The following CSGALNACT1 variants were observed in gnomAD, a reference collection of about 807,000 sequenced individuals.
The protein encoded by CSGALNACT1 is beta4GalNAcT-1.
A neutral mutation model predicts 51.0 loss-of-function variants in CSGALNACT1; 52 were observed. The observed-to-expected ratio is 1.02, with a 90% confidence interval of 0.82 to 1.29. CSGALNACT1 has a LOEUF of 1.29. CSGALNACT1 is among the 50% of genes most tolerant of loss of function. The pLI is 0.00. For synonymous variants in CSGALNACT1, 341 were observed against 254.4 expected (o/e 1.34, Z -3.24); for missense variants, 935 against 679.2 (o/e 1.38, Z -4.19).
At chr8:19,643,232 T>G (rs2056921052) in intron 1 of CSGALNACT1, among the ~76,000 whole-genome samples, 1 of 152,130 alleles carries the variant, frequency 6.6e-6, no homozygotes, top group Admixed American at 6.5e-5. Context: ...AAGTCAATAA[T>G]AACCAACTAG....
intron 1 of CSGALNACT1, among the ~76,000 whole-genome samples, chr8:19,742,784 T>C (rs2064394701): frequency 6.6e-6 from 1 of 152,240 alleles, no homozygotes. Flanking sequence ...GTGAAGGGTC[T>C]GGAAACTGGG....
chr8:19,541,803 A>AATTCTTC (rs1213110269), intron 3 of CSGALNACT1, among the ~76,000 whole-genome samples: 7 of 151,920 alleles, frequency 4.6e-5, no homozygotes, highest in Non-Finnish European at 7.4e-5. Context: ...TAAAACATGT[A>AATTCTTC]ATTCTTCAAT....
chr8:19,660,056 G>A (rs192662403), intron 1 of CSGALNACT1, among the ~76,000 whole-genome samples: 32 of 152,326 alleles, frequency 2.1e-4, no homozygotes, highest in Admixed American at 1.2e-3. Context: ...ACTGACGCAC[G>A]GGGAAGTTAA....
At chr8:19,468,200 T>C (rs1185374540) in intron 4 of CSGALNACT1, among the ~76,000 whole-genome samples, 1 of 152,074 alleles carries the variant, frequency 6.6e-6, no homozygotes, top group Non-Finnish European at 1.5e-5. Flanking sequence ...AACTGAAGAC[T>C]GAGCATGTGT....
At chr8:19,694,838 G>T (rs942644354) in intron 1 of CSGALNACT1, among the ~76,000 whole-genome samples, 1 of 152,188 alleles carries the variant, frequency 6.6e-6, no homozygotes, top group African/African-American at 2.4e-5. Flanking sequence ...AATACTGCAG[G>T]TTATTTTCTA....
At chr8:19,562,726 T>C (rs1366376379) in intron 3 of CSGALNACT1, among the ~76,000 whole-genome samples, 1 of 152,080 alleles carries the variant, frequency 6.6e-6, no homozygotes, top group African/African-American at 2.4e-5. Flanking sequence ...AAAACCACAA[T>C]GAGATACCAC....
intron 1 of CSGALNACT1, among the ~76,000 whole-genome samples, chr8:19,653,646 T>A (rs545294514): frequency 3.3e-5 from 5 of 152,120 alleles, no homozygotes; most frequent in Admixed American, 6.5e-5. Flanking sequence ...GTTAAAAAAA[T>A]TTGTGGGTGT....
chr8:19,662,218 C>T (rs1420856154), intron 1 of CSGALNACT1, among the ~76,000 whole-genome samples: 2 of 151,666 alleles, frequency 1.3e-5, no homozygotes, highest in Admixed American at 6.6e-5. Context: ...ACCCCATCTC[C>T]ACTACAAATA....
Position 19,607,761 on chromosome 8 carries a change from G to A in CSGALNACT1, c.-543-5896C>T, listed in dbSNP as rs137929988. Among the ~76,000 whole-genome samples the A allele has an allele frequency of 3.7e-4, 56 of 152,316 alleles. No individual in the cohort carries two copies. The East Asian group carries it at 9.6e-3, about 26-fold the overall frequency. On this transcript the variant is annotated intron_variant, in intron 1 of 9. Coordinates refer to the CSGALNACT1 transcript ENST00000332246. ...TCTTAGGCAAGTTCTTAACTCCTGT[G>A]AGTCTCCACTTCCCAATCTGTAAAA...
At chr8:19,649,614 G>C (rs2057594461) in intron 1 of CSGALNACT1, among the ~76,000 whole-genome samples, 1 of 151,688 alleles carries the variant, frequency 6.6e-6, no homozygotes, top group Non-Finnish European at 1.5e-5. Context: ...AGAATTCACA[G>C]TTACGAATAC....
chr8:19,669,720 T>C (rs1477849951), intron 1 of CSGALNACT1, among the ~76,000 whole-genome samples: 1 of 152,152 alleles, frequency 6.6e-6, no homozygotes, highest in Admixed American at 6.6e-5. Flanking sequence ...AATAATTCAC[T>C]GGCCTTGGCC....
chr8:19,686,915 C>A (rs17481249), upstream of CSGALNACT1, among the ~76,000 whole-genome samples: 33,828 of 152,014 alleles, frequency 0.22, 4,000 homozygotes, highest in Admixed American at 0.32. Flanking sequence ...GACTCCATGG[C>A]CAACAGTTTA....
At chr8:19,444,721 A>G (rs1407704277) in intron 5 of CSGALNACT1, among the ~76,000 whole-genome samples, 2 of 152,226 alleles carry the variant, frequency 1.3e-5, no homozygotes. Context: ...ATCCACAGCA[A>G]TAGAAGACAC....
intron 1 of CSGALNACT1, among the ~76,000 whole-genome samples, chr8:19,607,550 C>A (rs2051566184): frequency 6.6e-6 from 1 of 152,188 alleles, no homozygotes; most frequent in Admixed American, 6.5e-5. Context: ...TTTTATTAGA[C>A]ACCCTTTTCC....
At chr8:19,592,918 A>G (rs1057306454) in intron 2 of CSGALNACT1, among the ~76,000 whole-genome samples, 3 of 152,186 alleles carry the variant, frequency 2.0e-5, no homozygotes, top group Admixed American at 6.5e-5. Flanking sequence ...TTCAAATTAC[A>G]ATTTTTCTAC....
At chr8:19,567,775 GAATT>G (rs1250545787) in intron 3 of CSGALNACT1, among the ~76,000 whole-genome samples, 1 of 151,990 alleles carries the variant, frequency 6.6e-6, no homozygotes, top group African/African-American at 2.4e-5. Flanking sequence ...TAAAATATCA[GAATT>G]AATAAGAGTT....
intron 1 of CSGALNACT1, among the ~76,000 whole-genome samples, chr8:19,607,949 G>A (rs535618477): frequency 6.6e-6 from 1 of 152,138 alleles, no homozygotes; most frequent in Non-Finnish European, 1.5e-5. Context: ...CTGAGACTTA[G>A]ATGTTAAGAC....
At chr8:19,447,492 T>C (rs1563444110) in intron 5 of CSGALNACT1, among the ~76,000 whole-genome samples, 1 of 152,132 alleles carries the variant, frequency 6.6e-6, no homozygotes, top group Non-Finnish European at 1.5e-5. Flanking sequence ...TGATAACTCA[T>C]CCTAAAGAAG....
chr8:19,445,094 C>A lies in CSGALNACT1; in HGVS notation c.852-5163G>T, dbSNP rs187982427. Among the ~76,000 whole-genome samples, 37 of 152,228 alleles carry A rather than the reference C, an allele frequency of 2.4e-4. No individual in the cohort carries two copies. In the Middle Eastern group the frequency reaches 0.017, roughly 70 times the overall value. On this transcript the variant is annotated intron_variant, in intron 5 of 9. Coordinates refer to ENST00000454498, the Ensembl canonical transcript of CSGALNACT1. Reference sequence around the variant, plus strand: ...GCAGACAAAGGACAGGGAATAGAGGCCTAGGATGTAACGATATGTTTTGAA... The same window carrying A: ...GCAGACAAAGGACAGGGAATAGAGGACTAGGATGTAACGATATGTTTTGAA...
Sources: allele counts gnomAD v4.1 joint callset (sites outside exome capture counted in the v4.1 genomes callset), GRCh38; gene constraint gnomAD v4.1.1; transcripts MANE v1.5; gene names NCBI Gene and HGNC (gene_info 2026-07-23, HGNC 2026-07-21).